Variants in NR1H3 observed in about 807,000 individuals in gnomAD.
NR1H3 encodes the protein oxysterols receptor LXR-alpha.
NR1H3 carries 19 observed loss-of-function variants against 48.1 expected under a neutral mutation model. That is an observed-to-expected ratio of 0.40 (90% CI 0.28 to 0.58). The LOEUF (loss-of-function observed/expected upper bound fraction) is 0.58, where lower values mean the gene tolerates loss of function less well. NR1H3 is among the 20% of genes least tolerant of loss of function. NR1H3 has a pLI of 0.50. For missense variants in NR1H3, 486 were observed against 595.9 expected (o/e 0.82, Z 1.92); for synonymous variants, 232 against 227.3 (o/e 1.02, Z -0.19).
chr11:47,259,563 C>T (rs1955603320), intron 2 of NR1H3: 1 of 1,467,002 alleles, frequency 6.8e-7, no homozygotes, highest in African/African-American at 1.4e-5. Context: ...ACTCCAGCCC[C>T]CCAAAGGGAC....
chr11:47,257,228 G>T (rs548847770), upstream of NR1H3, among the ~76,000 whole-genome samples: 17 of 152,220 alleles, frequency 1.1e-4, no homozygotes, highest in East Asian at 3.1e-3. Flanking sequence ...AGTAGCTGCT[G>T]GTTGGAGCCT....
chr11:47,256,048 T>C (rs1034999262), upstream of NR1H3, among the ~76,000 whole-genome samples: 1 of 152,056 alleles, frequency 6.6e-6, no homozygotes, highest in African/African-American at 2.4e-5. Context: ...TTTCTTTCTT[T>C]TTCTTTTTTT....
intron 7 of NR1H3, among the ~76,000 whole-genome samples, chr11:47,266,245 A>C (rs546696361): frequency 1.7e-4 from 26 of 151,834 alleles, no homozygotes; most frequent in Admixed American, 1.4e-3. Flanking sequence ...GTGATCAATC[A>C]TGGCTCAATG....
upstream of NR1H3, among the ~76,000 whole-genome samples, chr11:47,253,267 T>C (rs1217273719): frequency 6.6e-6 from 1 of 152,092 alleles, no homozygotes; most frequent in Non-Finnish European, 1.5e-5. Flanking sequence ...CCACACCCAG[T>C]CTTATACCTG....
At chr11:47,254,975 A>G (rs2135579963), upstream of NR1H3, among the ~76,000 whole-genome samples, 1 of 152,260 alleles carries the variant, frequency 6.6e-6, no homozygotes, top group Non-Finnish European at 1.5e-5. Context: ...TGTGGGGCCC[A>G]TGGGAACTGG....
Position 47,260,630 on chromosome 11 carries a change from G to A in NR1H3, c.454G>A (p.Glu152Lys). 6.2e-7 allele frequency: 1 copy of A among 1,611,280 alleles called. No individual in the cohort carries two copies. The highest frequency in any genetic ancestry group is 1.3e-5 in the African/African-American group (1 of 75,060). ...MDTYMRRKCQ[E>K]CRLRKCRQAG... ...CACCTACATGCGTCGCAAGTGCCAGGAGTGTCGGCTTCGCAAATGCCGTCA... is the reference window on the plus strand; with the variant it reads ...CACCTACATGCGTCGCAAGTGCCAGAAGTGTCGGCTTCGCAAATGCCGTCA... Residue 152 changes from glutamate (E) to lysine (K), a missense_variant, in exon 4 of 10, where the codon GAG (glutamate) becomes AAG (lysine). By Grantham distance (56) the Glu-to-Lys change is moderately conservative. Transcript: ENST00000441012.
At chr11:47,259,759 A>T in intron 2 of NR1H3, 32 bp from the exon 3 acceptor site, 1 of 1,611,322 alleles carries the variant, frequency 6.2e-7, no homozygotes. Flanking sequence ...ATGGGGCCTG[A>T]GACCCCCTTG....
chr11:47,259,667 C>A, intron 2 of NR1H3, 124 bp from the exon 3 acceptor site: 1 of 1,530,466 alleles, frequency 6.5e-7, no homozygotes, highest in South Asian at 1.3e-5. Flanking sequence ...GGTCCCAAAG[C>A]CTGAGCTGGG....
chr11:47,256,831 C>T (rs557412352), upstream of NR1H3, among the ~76,000 whole-genome samples: 2 of 150,636 alleles, frequency 1.3e-5, no homozygotes, highest in Admixed American at 6.6e-5. Flanking sequence ...CCCGGGTTCA[C>T]GCCATTCTTC....
intron 4 of NR1H3, 101 bp downstream of exon 4, chr11:47,260,776 C>A: frequency 7.2e-7 from 1 of 1,379,722 alleles, no homozygotes; most frequent in South Asian, 1.4e-5. Context: ...TAACTGATCC[C>A]TAAGTATGGA....
At chr11:47,249,629 AG>A (rs1954449572) in intron 1 of NR1H3, among the ~76,000 whole-genome samples, 1 of 152,210 alleles carries the variant, frequency 6.6e-6, no homozygotes, top group Non-Finnish European at 1.5e-5. Flanking sequence ...GGGTTTCCAC[AG>A]AATCAATGGC....
At chr11:47,250,638 A>C (rs1000214685) in intron 1 of NR1H3, 1 of 152,110 alleles carries the variant, frequency 6.6e-6, no homozygotes, top group African/African-American at 2.4e-5. Flanking sequence ...AAAATTTTGC[A>C]CCTCTCCTCC....
upstream of NR1H3, among the ~76,000 whole-genome samples, chr11:47,255,075 T>C (rs1954960715): frequency 6.6e-6 from 1 of 152,202 alleles, no homozygotes. Flanking sequence ...GCAGCTTGCC[T>C]CCCACATCTG....
At chr11:47,255,174 G>A (rs1004697165), upstream of NR1H3, among the ~76,000 whole-genome samples, 2 of 152,186 alleles carry the variant, frequency 1.3e-5, no homozygotes, top group Admixed American at 6.5e-5. Flanking sequence ...GGCCCAAGAC[G>A]CAACAAGACA....
intron 1 of NR1H3, among the ~76,000 whole-genome samples, chr11:47,252,219 C>T (rs1277383054): frequency 6.6e-6 from 1 of 152,020 alleles, no homozygotes; most frequent in African/African-American, 2.4e-5. Context: ...ATTTTTTTTC[C>T]ATCTGAAGAG....
intron 1 of NR1H3, 90 bp from the exon 2 acceptor site, chr11:47,259,090 A>G (rs1456752086): frequency 7.6e-6 from 12 of 1,581,818 alleles, no homozygotes; most frequent in African/African-American, 1.4e-5. Flanking sequence ...TATTGTTGAT[A>G]TTGATAAAAG....
chr11:47,255,583 T>TC (rs1955044135), upstream of NR1H3, among the ~76,000 whole-genome samples: 1 of 82,528 alleles, frequency 1.2e-5, no homozygotes, highest in African/African-American at 6.5e-5. Context: ...CTTTCTTTCT[T>TC]TCTTTCTTTC....
At chr11:47,255,543 T>TTCTTTCTTTCTTTC (rs1565178129), upstream of NR1H3, among the ~76,000 whole-genome samples, 6 of 73,786 alleles carry the variant, frequency 8.1e-5, no homozygotes, top group Middle Eastern at 6.8e-3. Context: ...TTCTTTCTTT[T>TTCTTTCTTTCTTTC]TCTTTCTTTC....
At chr11:47,258,273 C>T (rs1955415248) in intron 1 of NR1H3, 144 bp downstream of exon 1, 2 of 881,922 alleles carry the variant, frequency 2.3e-6, no homozygotes, top group Non-Finnish European at 2.7e-6. Flanking sequence ...GAGCAGGACT[C>T]TGGGTCCCAG....
Sources: allele counts gnomAD v4.1 joint callset (sites outside exome capture counted in the v4.1 genomes callset), GRCh38; gene constraint gnomAD v4.1.1; transcripts MANE v1.5; gene names NCBI Gene and HGNC (gene_info 2026-07-23, HGNC 2026-07-21).